The following PTN variants were observed in gnomAD, a reference collection of about 807,000 sequenced individuals.
PTN encodes the protein pleiotrophin, also known as heparin affin regulatory protein.
A neutral mutation model predicts 24.1 loss-of-function variants in PTN; 18 were observed. The observed-to-expected ratio is 0.75, with a 90% CI of 0.52 to 1.11. PTN has a LOEUF of 1.11. Ranked by LOEUF, PTN falls within the 50% of genes least tolerant of loss-of-function variation. PTN has a pLI of 0.00. For synonymous variants in PTN, 78 were observed against 68.6 expected (o/e 1.14, Z -0.67); for missense variants, 163 against 198.8 (o/e 0.82, Z 1.08).
At chr7:137,246,582 T>C (rs1488019993) in intron 4 of PTN, among the ~76,000 whole-genome samples, 1 of 152,050 alleles carries the variant, frequency 6.6e-6, no homozygotes, top group Non-Finnish European at 1.5e-5. Context: ...GGCAGAAAAA[T>C]GACATCAAAA....
intron 2 of PTN, among the ~76,000 whole-genome samples, chr7:137,253,848 G>T (rs1033736888): frequency 1.3e-5 from 2 of 152,114 alleles, no homozygotes; most frequent in African/African-American, 2.4e-5. Context: ...ACTGAGAAAA[G>T]AGCTAAAACT....
At chr7:137,333,061 C>G (rs1033398519) in intron 1 of PTN, among the ~76,000 whole-genome samples, 6 of 152,034 alleles carry the variant, frequency 3.9e-5, no homozygotes, top group Admixed American at 1.3e-4. Context: ...GAGTAGATTC[C>G]CTCATGAGTA....
At chr7:137,295,076 A>G (rs1200499489) in intron 1 of PTN, among the ~76,000 whole-genome samples, 1 of 152,150 alleles carries the variant, frequency 6.6e-6, no homozygotes, top group East Asian at 1.9e-4. Flanking sequence ...GTGGCTATTA[A>G]GCCCATGAAA....
intron 1 of PTN, among the ~76,000 whole-genome samples, chr7:137,318,397 A>T (rs1381829094): frequency 6.6e-6 from 1 of 152,176 alleles, no homozygotes; most frequent in Non-Finnish European, 1.5e-5. Flanking sequence ...GATTCCAGAG[A>T]CTTCAGAGCA....
intron 4 of PTN, among the ~76,000 whole-genome samples, chr7:137,240,724 C>A (rs864428): frequency 6.6e-6 from 1 of 151,918 alleles, no homozygotes; most frequent in Non-Finnish European, 1.5e-5. Context: ...GGAAGATACA[C>A]GAGCAAGACA....
intron 1 of PTN, among the ~76,000 whole-genome samples, chr7:137,261,693 A>G (rs1809041138): frequency 6.6e-6 from 1 of 152,204 alleles, no homozygotes; most frequent in South Asian, 2.1e-4. Flanking sequence ...GATTCAGGAG[A>G]AAAACTATCT....
Position 137,321,875 on chromosome 7 carries a change from C to T in PTN, c.-2+21564G>A, listed in dbSNP as rs534263196. 1.6e-3 allele frequency among the ~76,000 whole-genome samples: 236 copies of T among 151,998 alleles called. 1 individual carries two copies. The highest frequency in any genetic ancestry group is 3.1e-3 in the Non-Finnish European group (208 of 67,960). Reference sequence around the variant, plus strand: ...AAAATTTGTTTTACTTAAAATAGCCCGTATGTGACTAGGATAAGTAAAAAA... The same window carrying T: ...AAAATTTGTTTTACTTAAAATAGCCTGTATGTGACTAGGATAAGTAAAAAA... On this transcript the variant is annotated intron_variant, in intron 1 of 4. Transcript: ENST00000348225.
intron 4 of PTN, among the ~76,000 whole-genome samples, chr7:137,249,434 T>C (rs1808783388): frequency 6.6e-6 from 1 of 152,108 alleles, no homozygotes; most frequent in African/African-American, 2.4e-5. Flanking sequence ...CTGATGCTGA[T>C]TGGGTTAGTC....
At chr7:137,309,156 AC>A (rs746824117) in intron 1 of PTN, among the ~76,000 whole-genome samples, 6 of 152,230 alleles carry the variant, frequency 3.9e-5, no homozygotes, top group Non-Finnish European at 5.9e-5. Context: ...TAAAGTGAAC[AC>A]CACAATAAAG....
intron 1 of PTN, among the ~76,000 whole-genome samples, chr7:137,290,062 T>A (rs1169062727): frequency 6.6e-6 from 1 of 152,170 alleles, no homozygotes; most frequent in Non-Finnish European, 1.5e-5. Flanking sequence ...AGCCTCATCA[T>A]CATGGTGGAA....
intron 1 of PTN, among the ~76,000 whole-genome samples, chr7:137,274,119 C>T (rs1441271613): frequency 6.6e-6 from 1 of 152,000 alleles, no homozygotes; most frequent in East Asian, 1.9e-4. Flanking sequence ...GGTGTTTCCA[C>T]AAGGAAGCAC....
chr7:137,339,944 G>C (rs774010282), intron 1 of PTN, among the ~76,000 whole-genome samples: 16 of 152,124 alleles, frequency 1.1e-4, no homozygotes, highest in Non-Finnish European at 1.9e-4. Flanking sequence ...CCAATTATCA[G>C]TTACTATGAG....
intron 1 of PTN, among the ~76,000 whole-genome samples, chr7:137,272,243 C>G (rs322240): frequency 6.6e-6 from 1 of 152,032 alleles, no homozygotes; most frequent in African/African-American, 2.4e-5. Context: ...CTTGGAGGCA[C>G]CTTTCAGTCT....
intron 1 of PTN, chr7:137,326,869 A>G (rs1810271201): frequency 6.6e-6 from 1 of 152,154 alleles, no homozygotes; most frequent in African/African-American, 2.4e-5. Flanking sequence ...ACTGTGTCAT[A>G]TTCATCTCTG....
chr7:137,235,851 G>A (rs1452106162), intron 4 of PTN, among the ~76,000 whole-genome samples: 1 of 151,966 alleles, frequency 6.6e-6, no homozygotes, highest in Admixed American at 6.6e-5. Flanking sequence ...GCACTCATTT[G>A]CTTTCTGATA....
chr7:137,336,054 GA>G (rs970060579), intron 1 of PTN, among the ~76,000 whole-genome samples: 9 of 151,534 alleles, frequency 5.9e-5, no homozygotes, highest in African/African-American at 2.2e-4. Context: ...TGTGTCCTGA[GA>G]AAATGACAAT....
At chr7:137,292,328 C>T (rs1809650958) in intron 1 of PTN, among the ~76,000 whole-genome samples, 2 of 152,146 alleles carry the variant, frequency 1.3e-5, no homozygotes, top group Admixed American at 6.6e-5. Context: ...CAAATCTCAC[C>T]TTGAATTGTA....
chr7:137,284,906 C>T (rs935741588), intron 1 of PTN, among the ~76,000 whole-genome samples: 3 of 152,148 alleles, frequency 2.0e-5, no homozygotes, highest in African/African-American at 7.2e-5. Flanking sequence ...GAAGTAAATA[C>T]TGACTTGAAA....
intron 4 of PTN, chr7:137,236,370 C>T: frequency 1.5e-6 from 1 of 667,160 alleles, no homozygotes; most frequent in South Asian, 1.6e-5. Flanking sequence ...TGGGATCAGT[C>T]CCTGATCTGA....
Sources: allele counts gnomAD v4.1 joint callset (sites outside exome capture counted in the v4.1 genomes callset), GRCh38; gene constraint gnomAD v4.1.1; transcripts MANE v1.5; gene names NCBI Gene and HGNC (gene_info 2026-07-23, HGNC 2026-07-21).